ANKS1B: variants seen among roughly 807,000 people sequenced by gnomAD.
ANKS1B encodes the protein ankyrin repeat and sterile alpha motif domain-containing protein 1B.
A neutral mutation model predicts 148.3 loss-of-function variants in ANKS1B; 36 were observed. That is an observed-to-expected ratio of 0.24 (90% CI 0.19 to 0.32). ANKS1B has a LOEUF of 0.32. Among genes scored for constraint, ANKS1B ranks in the 10% least tolerant of loss-of-function variants. The pLI, the probability that ANKS1B is intolerant of heterozygous loss-of-function variation, is 1.00. For missense variants in ANKS1B, 1,157 were observed against 1,542.6 expected (o/e 0.75, Z 4.19); for synonymous variants, 542 against 560.8 (o/e 0.97, Z 0.47).
chr12:99,302,881 G>A (rs1475003586), intron 12 of ANKS1B, among the ~76,000 whole-genome samples: 1 of 152,060 alleles, frequency 6.6e-6, no homozygotes, highest in Non-Finnish European at 1.5e-5. Flanking sequence ...AAGTAGAGAT[G>A]ACATTAAAAA....
chr12:99,305,510 G>A (rs958663699), intron 12 of ANKS1B, among the ~76,000 whole-genome samples: 1 of 151,948 alleles, frequency 6.6e-6, no homozygotes, highest in African/African-American at 2.4e-5. Flanking sequence ...TTTTAGCTCT[G>A]AAAAAAGTGG....
At chr12:99,656,401 A>G (rs531896773) in intron 8 of ANKS1B, among the ~76,000 whole-genome samples, 1 of 152,170 alleles carries the variant, frequency 6.6e-6, no homozygotes, top group Non-Finnish European at 1.5e-5. Context: ...CAAGAATCAT[A>G]TATTTGAGAA....
At chr12:99,267,700 A>G (rs1481381468) in intron 12 of ANKS1B, among the ~76,000 whole-genome samples, 3 of 152,196 alleles carry the variant, frequency 2.0e-5, no homozygotes, top group Non-Finnish European at 4.4e-5. Context: ...AACCAGACAT[A>G]TTATAACATG....
At position 99,984,088 on chromosome 12, in the gene ANKS1B, T is replaced by C; in HGVS notation, c.134+16A>G. On this transcript the variant is annotated intron_variant, in intron 1 of 26. Transcript: ENST00000683438. ...TAATGAGGTGTGCCAACCCCGGAGC[T>C]GGTGCCCGTCCTTACCTTAGCAGAT... 6.2e-7 allele frequency: 1 copy of C among 1,605,578 alleles called. No homozygotes were observed. Among genetic ancestry groups the C allele is most frequent in the South Asian group, 1.1e-5 (1 of 90,174 alleles).
intron 1 of ANKS1B, among the ~76,000 whole-genome samples, chr12:99,927,914 A>G (rs1364418860): frequency 2.0e-5 from 3 of 152,222 alleles, no homozygotes; most frequent in African/African-American, 7.2e-5. Flanking sequence ...AAATATTGTA[A>G]TCTGAATCTT....
chr12:99,076,811 T>C (rs1188368180), intron 16 of ANKS1B, among the ~76,000 whole-genome samples: 2 of 152,224 alleles, frequency 1.3e-5, no homozygotes, highest in Non-Finnish European at 2.9e-5. Flanking sequence ...GCCTACAGTC[T>C]AAGCCTGGTC....
At chr12:99,978,498 C>T (rs1372493831) in intron 1 of ANKS1B, among the ~76,000 whole-genome samples, 1 of 152,214 alleles carries the variant, frequency 6.6e-6, no homozygotes, top group African/African-American at 2.4e-5. Context: ...AACATCATTA[C>T]TATCTAAAAT....
chr12:99,451,554 TAG>T (rs1460487778), intron 10 of ANKS1B, among the ~76,000 whole-genome samples: 1 of 152,054 alleles, frequency 6.6e-6, no homozygotes, highest in Non-Finnish European at 1.5e-5. Flanking sequence ...GAGCAAAATG[TAG>T]AGAGATGGGA....
At chr12:99,129,250 G>A (rs1566286835) in intron 15 of ANKS1B, among the ~76,000 whole-genome samples, 2 of 152,172 alleles carry the variant, frequency 1.3e-5, no homozygotes, top group Admixed American at 1.3e-4. Flanking sequence ...TCTGGGTCAG[G>A]CATCACTCAG....
At chr12:99,735,807 C>CAAAAAAAAAAAAAAAAA (rs376398944) in intron 8 of ANKS1B, among the ~76,000 whole-genome samples, 4 of 108,948 alleles carry the variant, frequency 3.7e-5, no homozygotes, top group Non-Finnish European at 7.6e-5. Context: ...GGACATATAC[C>CAAAAAAAAAAAAAAAAA]AAAAAAAAAA....
chr12:99,331,240 G>A (rs1224077172), intron 12 of ANKS1B, among the ~76,000 whole-genome samples: 2 of 151,742 alleles, frequency 1.3e-5, no homozygotes, highest in Non-Finnish European at 2.9e-5. Context: ...GACACCTCTG[G>A]GTTTACTTAA....
intron 17 of ANKS1B, among the ~76,000 whole-genome samples, chr12:99,031,797 T>C (rs2099952359): frequency 6.6e-6 from 1 of 152,138 alleles, no homozygotes; most frequent in Non-Finnish European, 1.5e-5. Context: ...TTTCCATGCC[T>C]CTTGCCAACC....
intron 14 of ANKS1B, among the ~76,000 whole-genome samples, chr12:99,196,342 C>A (rs1252119690): frequency 5.3e-5 from 8 of 152,154 alleles, no homozygotes; most frequent in Non-Finnish European, 1.2e-4. Flanking sequence ...TATTTCCTGG[C>A]TCTGTGAAGC....
intron 19 of ANKS1B, among the ~76,000 whole-genome samples, chr12:98,822,614 C>T (rs866840183): frequency 6.6e-6 from 1 of 152,106 alleles, no homozygotes; most frequent in Non-Finnish European, 1.5e-5. Flanking sequence ...TTGATATCTT[C>T]TTTTTCTTTT....
intron 15 of ANKS1B, among the ~76,000 whole-genome samples, chr12:99,139,357 C>T (rs561179145): frequency 5.1e-3 from 1 of 198 alleles, no homozygotes; most frequent in Non-Finnish European, 0.013. Flanking sequence ...CTCCCTCCCT[C>T]CCTCCCTCCC....
At chr12:99,394,205 T>C (rs886256356) in intron 12 of ANKS1B, among the ~76,000 whole-genome samples, 1 of 152,204 alleles carries the variant, frequency 6.6e-6, no homozygotes, top group Non-Finnish European at 1.5e-5. Flanking sequence ...GCTGCTGCTC[T>C]CTACTTTGTA....
chr12:99,249,963 C>A (rs890038211), intron 12 of ANKS1B, among the ~76,000 whole-genome samples: 2 of 152,104 alleles, frequency 1.3e-5, no homozygotes, highest in Non-Finnish European at 2.9e-5. Context: ...ATGTTGAAAC[C>A]AACAGATCAG....
intron 15 of ANKS1B, among the ~76,000 whole-genome samples, chr12:99,100,188 C>T (rs2057519412): frequency 6.6e-6 from 1 of 152,086 alleles, no homozygotes; most frequent in Non-Finnish European, 1.5e-5. Context: ...GTCATTTAAC[C>T]CTAACAAGGA....
chr12:99,262,874 T>C (rs2076075088), intron 12 of ANKS1B, among the ~76,000 whole-genome samples: 1 of 152,156 alleles, frequency 6.6e-6, no homozygotes, highest in Non-Finnish European at 1.5e-5. Flanking sequence ...AATGTGTGTG[T>C]GTGTGTGAGT....
Sources: gnomAD v4.1 joint callset for allele counts (sites outside exome capture counted in the v4.1 genomes callset) on GRCh38, gnomAD v4.1.1 for gene constraint, MANE v1.5 for transcripts, NCBI Gene and HGNC (gene_info 2026-07-23, HGNC 2026-07-21) for gene names.